The following RPLP0 variants were observed in gnomAD, a reference collection of about 807,000 sequenced individuals.
The protein encoded by RPLP0 is large ribosomal subunit protein uL10.
For missense variants in RPLP0, 276 were observed against 402.9 expected, an observed-to-expected ratio of 0.69 and a Z score of 2.70; for synonymous variants, 137 against 153.4, an observed-to-expected ratio of 0.89 and a Z score of 0.79.
Position 120,199,218 on chromosome 12 carries a change from G to C in RPLP0, c.231-13C>G. On this transcript the variant is annotated splice_polypyrimidine_tract_variant and intron_variant, in intron 3 of 7. Transcript: ENST00000392514. ...ATGAGGCAGCAGTCTGCAAAGAGAA[G>C]TTTATGGGAGACAATCACCTTTCAG... 6.2e-7 allele frequency: 1 copy of C among 1,613,654 alleles called. No individual in the cohort carries two copies.
intron 2 of RPLP0, chr12:120,200,079 A>C (rs1253034945): frequency 1.1e-5 from 5 of 456,098 alleles, no homozygotes; most frequent in South Asian, 6.2e-5. Flanking sequence ...TGGACACTTA[A>C]GTTTCTTGGC....
At chr12:120,196,965 T>C in intron 7 of RPLP0, 31 bp from the exon 8 acceptor site, 1 of 1,612,070 alleles carries the variant, frequency 6.2e-7, no homozygotes, top group Non-Finnish European at 8.5e-7. Context: ...GTCAAAATGG[T>C]CATCCACACT....
chr12:120,199,262 G>C (rs1879304596), intron 3 of RPLP0, 48 bp downstream of exon 3: 1 of 1,613,202 alleles, frequency 6.2e-7, no homozygotes, highest in Non-Finnish European at 8.5e-7. Context: ...TCCAGGAAGA[G>C]GGAGACGGGC....
intron 6 of RPLP0, chr12:120,197,668 TC>T (rs1279676368): frequency 3.4e-6 from 2 of 588,932 alleles, no homozygotes; most frequent in Non-Finnish European, 6.0e-6. Context: ...CAAATCCAGG[TC>T]TTCTGTATCC....
intron 3 of RPLP0, 37 bp from the exon 4 acceptor site, chr12:120,199,242 A>G (rs1879303348): frequency 1.2e-6 from 2 of 1,612,888 alleles, no homozygotes; most frequent in African/African-American, 2.7e-5. Context: ...ATCACCTTTC[A>G]GCACCATTCT....
intron 2 of RPLP0, chr12:120,200,285 A>T: frequency 2.9e-6 from 1 of 347,534 alleles, no homozygotes; most frequent in Non-Finnish European, 5.7e-6. Flanking sequence ...CAACATGGTG[A>T]ATCCCTGTCT....
chr12:120,199,780 A>G (rs549248324), intron 2 of RPLP0: 1 of 380,352 alleles, frequency 2.6e-6, no homozygotes, highest in East Asian at 6.3e-5. Flanking sequence ...AATGGTTAAC[A>G]GGATAAAAAA....
chr12:120,199,121 A>C lies in RPLP0; in HGVS notation c.315T>G (p.Asn105Lys). The part of the protein sequence containing the change: ...LTEIRDMLLA[N>K]KVPAAARAGA... ...GCCAACCCAATTGTCCCCTTACCTT[A>C]TTGGCCAGCAACATGTCCCTGATCT... Residue 105 changes from asparagine to lysine, a missense_variant, in exon 4 of 8, where the codon AAT (asparagine) becomes AAG (lysine). Transcript: ENST00000392514. The C allele has an allele frequency of 6.2e-7, 1 of 1,613,282 alleles. No individual in the cohort carries two copies. The highest frequency in any genetic ancestry group is 8.5e-7 in the Non-Finnish European group (1 of 1,179,216).
chr12:120,198,670 T>C lies in RPLP0; in HGVS notation c.535A>G (p.Asn179Asp). The change falls in exon 6 of 8, where the codon AAC (asparagine) becomes GAC (aspartate). Residue 179 changes from asparagine to aspartate, a missense_variant. Coordinates refer to ENST00000392514, the MANE Select transcript of RPLP0 (RefSeq NM_001002.4). The surrounding 1 kb of genome is among the most constrained non-coding windows in gnomAD (Gnocchi z 4.1). ...AGCCCAAAGGAGAAGGGGGAGATGT[T>C]GAGCATGTTCAGCAGCGTGGCTTCG... ...ASEATLLNML[N>D]ISPFSFGLVI... The C allele has an allele frequency of 1.2e-6, 2 of 1,614,110 alleles. No homozygotes were observed. The highest frequency in any genetic ancestry group is 1.7e-6 in the Non-Finnish European group (2 of 1,179,976).
rs771179332 is a variant in RPLP0 at position 120,198,633 on chromosome 12, T to C, written c.572A>G (p.Gln191Arg). Residue 191 changes from glutamine to arginine, a missense_variant, in exon 6 of 8, where the codon CAG becomes CGG. Gln to Arg is a conservative substitution (Grantham distance 43). Coordinates refer to ENST00000392514, the MANE Select transcript of RPLP0 (RefSeq NM_001002.4). The surrounding 1 kb of genome is among the most constrained non-coding windows in gnomAD (Gnocchi z 4.1). ...GTAGATGCTGCCATTGTCGAACACCTGCTGGATGACCAGCCCAAAGGAGAA... is the reference window on the plus strand; with the variant it reads ...GTAGATGCTGCCATTGTCGAACACCCGCTGGATGACCAGCCCAAAGGAGAA... ...SPFSFGLVIQ[Q>R]VFDNGSIYNP... The C allele has an allele frequency of 1.2e-6, 2 of 1,614,106 alleles. No individual in the cohort carries two copies. Among genetic ancestry groups the C allele is most frequent in the African/African-American group, 1.3e-5 (1 of 75,044 alleles).
At chr12:120,201,001 CT>C in intron 1 of RPLP0, 81 bp downstream of exon 1, 1 of 693,786 alleles carries the variant, frequency 1.4e-6, no homozygotes, top group Non-Finnish European at 2.2e-6. Flanking sequence ...CAGAATAGGA[CT>C]CCATGTTCCC....
Position 120,198,719 on chromosome 12 carries a change from C to A in RPLP0, c.486G>T (p.Lys162Asn), listed in dbSNP as rs377314568. The change falls in exon 6 of 8, where the codon AAG becomes AAT. Residue 162 changes from lysine (K) to asparagine (N), a missense_variant. By Grantham distance (94) the Lys-to-Asn change is moderately conservative (BLOSUM62 0). Transcript: ENST00000392514. The surrounding 1 kb of genome is among the most constrained non-coding windows in gnomAD (Gnocchi z 4.1). ...CGCTGGCTCCCACTTTGTCTCCAGT[C>A]TTGATCAGCTGCACATCACTCTGAA... is the stretch of plus-strand genomic sequence containing the variant. ...IEILSDVQLIKTGDKVGASEA... is the reference protein window; with the variant it reads ...IEILSDVQLINTGDKVGASEA... The A allele has an allele frequency of 6.8e-6, 11 of 1,613,930 alleles. No homozygotes were observed. The African/African-American group carries it at 1.5e-4, about 22-fold the overall frequency.
Position 120,196,807 on chromosome 12 carries a change from G to C in RPLP0, c.920C>G (p.Ser307Trp). 1 of 1,593,008 alleles carries C rather than the reference G, an allele frequency of 6.3e-7. No homozygotes were observed. Among genetic ancestry groups the C allele is most frequent in the Non-Finnish European group, 8.6e-7 (1 of 1,165,018 alleles). Residue 307 changes from serine to tryptophan, a missense_variant, in exon 8 of 8, where the codon TCG becomes TGG. Coordinates refer to ENST00000392514, the MANE Select transcript of RPLP0 (RefSeq NM_001002.4). ...GAGACCAAATCCCATATCCTCGTCCGACTCCTCCGACTCTTCCTTGGCTTC... is the reference window on the plus strand; with the variant it reads ...GAGACCAAATCCCATATCCTCGTCCCACTCCTCCGACTCTTCCTTGGCTTC... ...KVEAKEESEESDEDMGFGLFD is the reference protein window; with the variant it reads ...KVEAKEESEEWDEDMGFGLFD
At chr12:120,200,938 G>A (rs1879433535) in intron 1 of RPLP0, 107 bp from the exon 2 acceptor site, 2 of 1,354,832 alleles carry the variant, frequency 1.5e-6, no homozygotes, top group Middle Eastern at 2.7e-4. Flanking sequence ...CCTGCCTAGG[G>A]CAGCGGCCGT....
intron 2 of RPLP0, chr12:120,200,187 G>A (rs748045295): frequency 4.5e-6 from 2 of 444,236 alleles, no homozygotes; most frequent in Admixed American, 2.4e-5. Flanking sequence ...ATGTGCGGCC[G>A]GGCGCGGTGG....
chr12:120,200,713 A>C lies in RPLP0; in HGVS notation c.54+17T>G, dbSNP rs781644407. ...TGGGGCAACATGAAGAGCAGAGGCGACCCACCCTGCACTTACGATGATCTT... is the reference window on the plus strand; with the variant it reads ...TGGGGCAACATGAAGAGCAGAGGCGCCCCACCCTGCACTTACGATGATCTT... On this transcript the variant is annotated intron_variant, in intron 2 of 7. Transcript: ENST00000392514. 4.4e-6 allele frequency: 7 copies of C among 1,607,074 alleles called. No homozygotes were observed. Among genetic ancestry groups the C allele is most frequent in the African/African-American group, 2.7e-5 (2 of 74,744 alleles).
Position 120,198,549 on chromosome 12 carries a change from T to C in RPLP0, c.651+5A>G. The C allele has an allele frequency of 6.8e-6, 11 of 1,614,100 alleles. No individual in the cohort carries two copies. Among genetic ancestry groups the C allele is most frequent in the Non-Finnish European group, 9.3e-6 (11 of 1,179,992 alleles). ...GTAAGAGGGGGCAAGGCTGACAGCA[T>C]ATACCTCCAGGAAGCGAGAATGCAG... On this transcript the variant is annotated splice_donor_5th_base_variant and intron_variant, in intron 6 of 7. Transcript: ENST00000392514. This position sits in a 1 kb window ranked among gnomAD's most constrained non-coding sequence, Gnocchi z 4.1.
chr12:120,198,968 G>C lies in RPLP0; in HGVS notation c.351C>G (p.Ala117=), dbSNP rs765544846. 6.2e-7 allele frequency: 1 copy of C among 1,614,022 alleles called. No individual in the cohort carries two copies. Among genetic ancestry groups the C allele is most frequent in the East Asian group, 2.2e-5 (1 of 44,874 alleles). Residue 117 remains alanine (A), a synonymous_variant, in exon 5 of 8, where the codon GCC becomes GCG. Transcript: ENST00000392514. The surrounding 1 kb of genome is among the most constrained non-coding windows in gnomAD (Gnocchi z 4.1). The stretch of plus-strand genomic sequence containing the variant: ...GGGCTGGCACAGTGACTTCACATGG[G>C]GCAATGGCACCAGCACGGGCAGCAG... ...VPAAARAGAI[A]PCEVTVPAQN... is the part of the protein sequence containing the mutation.
Position 120,197,388 on chromosome 12 carries a change from G to A in RPLP0, c.726C>T (p.Ile242=), listed in dbSNP as rs768995327. ...PTVASVPHSI[I]NGYKRVLALS... ...AGGCCAGGACTCGTTTGTACCCGTT[G>A]ATGATAGAATGGGGTACTGATGCAA... The change falls in exon 7 of 8, where the codon ATC becomes ATT. Residue 242 remains isoleucine, a synonymous_variant. Transcript: ENST00000392514. 1 of 1,613,676 alleles carries A rather than the reference G, an allele frequency of 6.2e-7. No individual in the cohort carries two copies.
Sources: gnomAD v4.1 joint callset for allele counts on GRCh38, gnomAD v4.1.1 for gene constraint, Gnocchi (gnomAD v3.1) non-coding constraint, MANE v1.5 for transcripts, NCBI Gene and HGNC (gene_info 2026-07-23, HGNC 2026-07-21) for gene names.